VPS13D: variants seen among roughly 807,000 people sequenced by gnomAD.
VPS13D encodes intermembrane lipid transfer protein VPS13D.
In VPS13D, 187 loss-of-function variants were observed where a neutral mutation model predicts 461.9. The observed-to-expected ratio is 0.40, with a 90% CI of 0.36 to 0.46. The LOEUF (loss-of-function observed/expected upper bound fraction) is 0.46, where lower values mean the gene tolerates loss of function less well. VPS13D is among the 20% of genes least tolerant of loss of function. VPS13D has a pLI of 0.60. For missense variants in VPS13D, 4,711 were observed against 5,364.9 expected (o/e 0.88, Z 3.81); for synonymous variants, 1,951 against 1,986.3 (o/e 0.98, Z 0.47).
intron 65 of VPS13D, among the ~76,000 whole-genome samples, chr1:12,439,856 GA>G (rs922180551): frequency 6.6e-6 from 1 of 152,204 alleles, no homozygotes; most frequent in Non-Finnish European, 1.5e-5. Flanking sequence ...GCCAATAAGT[GA>G]AACCACTTTG....
chr1:12,254,395 C>CTTTCTTA (rs1047432640), intron 7 of VPS13D, among the ~76,000 whole-genome samples: 7 of 151,212 alleles, frequency 4.6e-5, no homozygotes, highest in African/African-American at 1.7e-4. Flanking sequence ...TAAAGAGGAA[C>CTTTCTTA]TTTCTTACCA....
intron 10 of VPS13D, among the ~76,000 whole-genome samples, chr1:12,259,286 C>T (rs1251177934): frequency 1.3e-5 from 2 of 151,310 alleles, no homozygotes; most frequent in Admixed American, 6.6e-5. Context: ...ATTCACCTGC[C>T]TCAGCCTTCA....
Position 12,276,452 on chromosome 1 carries a change from T to C in VPS13D, c.2864T>C (p.Leu955Pro). Residue 955 changes from leucine to proline, a missense_variant, in exon 19 of 70, where the codon CTC becomes CCC. Physicochemically the swap from Leu to Pro is moderately conservative, Grantham distance 98. This residue lies in a region of VPS13D where 4,411 missense variants were observed against 4,937.8 expected (regional missense o/e 0.89). Transcript: ENST00000620676. This position sits in a 1 kb window ranked among gnomAD's most constrained non-coding sequence, Gnocchi z 4.5. Reference sequence around the variant, plus strand: ...GAGGTTCTGGTGGAGTCGCAGCTCCTCCTGGCGGAATTTAAAGTGAACTGT... The same window carrying C: ...GAGGTTCTGGTGGAGTCGCAGCTCCCCCTGGCGGAATTTAAAGTGAACTGT... ...TREVLVESQLLLAEFKVNCMQ... is the reference protein window; with the variant it reads ...TREVLVESQLPLAEFKVNCMQ... The C allele has an allele frequency of 6.2e-7, 1 of 1,614,206 alleles. No homozygotes were observed. The highest frequency in any genetic ancestry group is 8.5e-7 in the Non-Finnish European group (1 of 1,180,048).
At position 12,473,016 on chromosome 1, in the gene VPS13D, G is replaced by C. The variant is rs1315936523; in HGVS notation, c.12662+12620G>C. 6.6e-6 allele frequency among the ~76,000 whole-genome samples: 1 copy of C among 152,264 alleles called. No homozygotes were observed. Among genetic ancestry groups the C allele is most frequent in the Admixed American group, 6.5e-5 (1 of 15,300 alleles). ...TGTGTGTTGTAAAGAAACAGGTTGTGGAAGGCTCTTGTCAGATCCCAGGAA... is the reference window on the plus strand; with the variant it reads ...TGTGTGTTGTAAAGAAACAGGTTGTCGAAGGCTCTTGTCAGATCCCAGGAA... On this transcript the variant is annotated intron_variant, in intron 67 of 69. Coordinates refer to ENST00000620676, the MANE Select transcript of VPS13D (RefSeq NM_015378.4). This position sits in a 1 kb window ranked among gnomAD's most constrained non-coding sequence, Gnocchi z 4.2.
rs3831905 is a variant in VPS13D, at chr1:12,510,525, C to CTGTGTGTGTGTGTGTG, written c.*1516_*1531dup. 1.4e-5 allele frequency: 2 copies of CTGTGTGTGTGTGTGTG among 146,198 alleles called. No individual in the cohort carries two copies. The highest frequency in any genetic ancestry group is 6.8e-5 in the Admixed American group (1 of 14,670). The allele number at this position is 146,198 out of a possible 1,614,324, so 9.1% of individuals were successfully genotyped here. A position where few individuals can be genotyped will look rare whatever the true frequency, so the allele number is the denominator to read the frequency against. On this transcript the variant is annotated 3_prime_UTR_variant, in exon 70 of 70. Transcript: ENST00000620676. The stretch of plus-strand genomic sequence containing the variant: ...TCCCACTTCCCCTCTGTGTCTGTGT[C>CTGTGTGTGTGTGTGTG]TGTGTGTGTGTGTGTGTGTGTGTGT...
intron 46 of VPS13D, among the ~76,000 whole-genome samples, chr1:12,351,249 C>T (rs1643786023): frequency 6.6e-6 from 1 of 152,170 alleles, no homozygotes; most frequent in African/African-American, 2.4e-5. Context: ...AACTGTGAGC[C>T]AGTGTTCCCC....
intron 22 of VPS13D, among the ~76,000 whole-genome samples, chr1:12,290,662 G>T (rs1642103294): frequency 6.6e-6 from 1 of 151,330 alleles, no homozygotes; most frequent in Non-Finnish European, 1.5e-5. Context: ...GGCAGAACTT[G>T]CAGTGACCCC....
At chr1:12,435,310 A>C (rs1272153763) in intron 65 of VPS13D, among the ~76,000 whole-genome samples, 1 of 152,000 alleles carries the variant, frequency 6.6e-6, no homozygotes, top group Non-Finnish European at 1.5e-5. Flanking sequence ...AAAATACAAA[A>C]ATTAGCTGGG....
At chr1:12,380,757 A>G (rs1644262549) in intron 57 of VPS13D, among the ~76,000 whole-genome samples, 1 of 152,228 alleles carries the variant, frequency 6.6e-6, no homozygotes, top group Non-Finnish European at 1.5e-5. Flanking sequence ...ATTGTACTCC[A>G]GGGCAGTTTG....
chr1:12,468,146 C>T (rs557806356), intron 67 of VPS13D, among the ~76,000 whole-genome samples: 1 of 152,284 alleles, frequency 6.6e-6, no homozygotes, highest in East Asian at 1.9e-4. Flanking sequence ...AAAACTCTAA[C>T]GTGACACCTA....
At chr1:12,399,902 G>C (rs1644551573) in intron 60 of VPS13D, among the ~76,000 whole-genome samples, 2 of 152,174 alleles carry the variant, frequency 1.3e-5, no homozygotes, top group Non-Finnish European at 2.9e-5. Context: ...GCTAAATTGA[G>C]CTAATATATG....
chr1:12,250,032 C>G (rs942487038), intron 6 of VPS13D, among the ~76,000 whole-genome samples: 1 of 152,190 alleles, frequency 6.6e-6, no homozygotes, highest in African/African-American at 2.4e-5. Context: ...AGTTCCCCTC[C>G]TCAGGTTTGG....
At chr1:12,355,200 T>C (rs1643875142) in intron 47 of VPS13D, among the ~76,000 whole-genome samples, 1 of 152,080 alleles carries the variant, frequency 6.6e-6, no homozygotes, top group Non-Finnish European at 1.5e-5. Flanking sequence ...TGCATAATCC[T>C]AAATCAGGTC....
rs1434034135 is a variant in VPS13D at position 12,460,206 on chromosome 1, A to G, written c.12472A>G (p.Ile4158Val). 6.3e-7 allele frequency: 1 copy of G among 1,574,984 alleles called. No individual in the cohort carries two copies. Among genetic ancestry groups the G allele is most frequent in the East Asian group, 2.4e-5 (1 of 42,478 alleles). The change falls in exon 67 of 70, where the codon ATT becomes GTT. Residue 4158 changes from isoleucine (I) to valine (V), a missense_variant. Physicochemically the swap from Ile to Val is conservative, Grantham distance 29. Transcript: ENST00000620676. ...AGIHGLAHGIIGGLTSVITST... is the reference protein window; with the variant it reads ...AGIHGLAHGIVGGLTSVITST... ...GCCCTTGTCTTTTTCACTAGGTATC[A>G]TTGGTGGACTGACCAGTGTTATAAC...
chr1:12,282,588 T>C, intron 20 of VPS13D, 117 bp from the exon 21 acceptor site: 2 of 987,530 alleles, frequency 2.0e-6, no homozygotes, highest in Non-Finnish European at 3.0e-6. Context: ...TAGTCTTTGC[T>C]ATCAGGTAAC....
chr1:12,304,687 C>T lies in VPS13D; in HGVS notation c.6398C>T (p.Pro2133Leu), dbSNP rs755820720. 57 of 1,613,848 alleles carry T rather than the reference C, an allele frequency of 3.5e-5. No homozygotes were observed. The highest frequency in any genetic ancestry group is 2.3e-4 in the Admixed American group (14 of 60,008). The change falls in exon 26 of 70, where the codon CCG becomes CTG. Residue 2133 changes from proline to leucine, a missense_variant. Physicochemically the swap from Pro to Leu is moderately conservative, Grantham distance 98. Coordinates refer to ENST00000620676, the MANE Select transcript of VPS13D (RefSeq NM_015378.4). ...VPSTSTKQQG[P>L]QPTLSVGQES... ...AGTACCTCCACCAAGCAGCAAGGGC[C>T]GCAACCCACACTGTCTGTTGGCCAA...
At chr1:12,492,228 G>A (rs973800986) in intron 67 of VPS13D, among the ~76,000 whole-genome samples, 2 of 152,254 alleles carry the variant, frequency 1.3e-5, no homozygotes, top group Non-Finnish European at 1.5e-5. Flanking sequence ...GGCAGGATCT[G>A]CAGCTACTCC....
At chr1:12,238,477 A>G (rs1640237380) in intron 2 of VPS13D, among the ~76,000 whole-genome samples, 1 of 151,980 alleles carries the variant, frequency 6.6e-6, no homozygotes, top group Non-Finnish European at 1.5e-5. Flanking sequence ...AAAAAATTTT[A>G]AAGCAAATTG....
Position 12,400,240 on chromosome 1 carries a change from C to T in VPS13D, c.11694C>T (p.Ser3898=). 1 of 1,614,142 alleles carries T rather than the reference C, an allele frequency of 6.2e-7. No homozygotes were observed. Among genetic ancestry groups the T allele is most frequent in the Non-Finnish European group, 8.5e-7 (1 of 1,180,034 alleles). ...QPFMLYVTPL[S]NENEVIETGP... ...TCATGCTCTATGTGACTCCCCTGAGCAATGAGAATGAGGTCATCGAGACCG... is the reference window on the plus strand; with the variant it reads ...TCATGCTCTATGTGACTCCCCTGAGTAATGAGAATGAGGTCATCGAGACCG... The change falls in exon 61 of 70, where the codon AGC becomes AGT. Residue 3898 remains serine, a synonymous_variant. Coordinates refer to ENST00000620676, the MANE Select transcript of VPS13D (RefSeq NM_015378.4).
Sources: gnomAD v4.1 joint callset for allele counts (sites outside exome capture counted in the v4.1 genomes callset) on GRCh38, gnomAD v4.1.1 for gene constraint, gnomAD v4.1.1 regional missense constraint, Gnocchi (gnomAD v3.1) non-coding constraint, MANE v1.5 for transcripts, NCBI Gene and HGNC (gene_info 2026-07-23, HGNC 2026-07-21) for gene names.